The following XIAP variants were observed in gnomAD, a reference collection of about 807,000 sequenced individuals.
XIAP encodes X-linked inhibitor of apoptosis.
Under a neutral mutation model 33.1 loss-of-function variants are expected in XIAP, and 3 were observed. The observed-to-expected ratio is 0.09, with a 90% CI of 0.04 to 0.23. The LOEUF is 0.23. XIAP is among the 10% of genes least tolerant of loss of function. The probability of loss-of-function intolerance (pLI) is 1.00; values close to 1 mark genes in which losing one functional copy is unlikely to be tolerated. For synonymous variants in XIAP, 98 were observed against 121.3 expected (o/e 0.81, Z 1.26); for missense variants, 264 against 363.0 (o/e 0.73, Z 2.22).
chrX:123,886,882 C>T lies in XIAP; in HGVS notation c.877+343C>T, dbSNP rs138911899. Among the ~76,000 whole-genome samples the T allele has an allele frequency of 1.6e-3, 183 of 111,373 alleles. 2 individuals are homozygous for T. The East Asian group carries it at 0.048, about 29-fold the overall frequency. On this transcript the variant is annotated intron_variant, in intron 2 of 6. Coordinates refer to ENST00000371199, the MANE Select transcript of XIAP (RefSeq NM_001167.4). ...GAGCACTTACTATAAGTGCTCAATA[C>T]ATATACTTCATGCATTTTCTCTAAG...
intron 6 of XIAP, among the ~76,000 whole-genome samples, chrX:123,901,381 T>C (rs1301615736): frequency 9.0e-6 from 1 of 110,873 alleles, no homozygotes; most frequent in Non-Finnish European, 1.9e-5. Context: ...CAAGATCTTG[T>C]CTCAAAATAT....
intron 1 of XIAP, among the ~76,000 whole-genome samples, chrX:123,866,317 C>G (rs1331190469): frequency 9.3e-6 from 1 of 107,923 alleles, no homozygotes; most frequent in African/African-American, 3.4e-5. Context: ...ATGTGATCTG[C>G]CCGCCTTGGC....
chrX:123,910,520 A>C lies in XIAP; in HGVS notation c.*3339A>C. The C allele has an allele frequency of 3.0e-6, 1 of 329,436 alleles. No homozygotes were observed. Among genetic ancestry groups the C allele is most frequent in the South Asian group, 2.6e-5 (1 of 38,491 alleles). The allele number at this position is 329,436 out of a possible 1,213,427, so 27.1% of individuals were successfully genotyped here. Reference sequence around the variant, plus strand: ...CAGGTGTTGAATGGGGAAAGGGGCTAGTATATCAGTAGGATATACTATGGG... The same window carrying C: ...CAGGTGTTGAATGGGGAAAGGGGCTCGTATATCAGTAGGATATACTATGGG... On this transcript the variant is annotated 3_prime_UTR_variant, in exon 7 of 7. Coordinates refer to ENST00000371199, the MANE Select transcript of XIAP (RefSeq NM_001167.4).
rs1175389780 is a variant in XIAP, at chrX:123,885,951, T to C, written c.289T>C (p.Tyr97His). ...AAATTGCAGATTTATCAACGGCTTT[T>C]ATCTTGAAAATAGTGCCACGCAGTC... The part of the protein sequence containing the change: ...SPNCRFINGF[Y>H]LENSATQSTN... Residue 97 changes from tyrosine to histidine, a missense_variant, in exon 2 of 7, where the codon TAT (tyrosine) becomes CAT (histidine). Transcript: ENST00000371199. 1 of 1,211,907 alleles carries C rather than the reference T, an allele frequency of 8.3e-7. No individual in the cohort carries two copies. The highest frequency in any genetic ancestry group is 1.1e-6 in the Non-Finnish European group (1 of 895,575).
Position 123,911,477 on chromosome X carries a change from C to CAAAAA in XIAP, c.*4305_*4309dup, listed in dbSNP as rs397713705. 23 of 261,602 alleles carry CAAAAA rather than the reference C, an allele frequency of 8.8e-5. No homozygotes were observed. Among genetic ancestry groups the CAAAAA allele is most frequent in the Admixed American group, 1.8e-4 (4 of 21,626 alleles). 21.6% of individuals were successfully genotyped at this position (261,602 alleles called of 1,213,427 possible). ...GGGCAACAAGAGCAAAACTCTGTCT[C>CAAAAA]AAAAAAAAAAAAAGATATAAATCAC... On this transcript the variant is annotated 3_prime_UTR_variant, in exon 7 of 7. Coordinates refer to ENST00000371199, the MANE Select transcript of XIAP (RefSeq NM_001167.4).
At chrX:123,894,825 T>G (rs2053444473) in intron 5 of XIAP, among the ~76,000 whole-genome samples, 1 of 109,358 alleles carries the variant, frequency 9.1e-6, no homozygotes, top group African/African-American at 3.3e-5. Context: ...ACACCTATAG[T>G]TCCAGCTACT....
rs183287326 is a variant in XIAP at position 123,868,270 on chromosome X, G to A, written c.-33+7977G>A. ...AGGGCACCACTGCATTCTAGCCTGA[G>A]TGACAAGAGTGAGGCCCTGTCTCAA... On this transcript the variant is annotated intron_variant, in intron 1 of 6. Transcript: ENST00000371199. Among the ~76,000 whole-genome samples the A allele has an allele frequency of 1.7e-4, 19 of 111,799 alleles. No homozygotes were observed. The East Asian group carries it at 5.1e-3, about 30-fold the overall frequency.
chrX:123,897,644 C>A (rs1379557783), intron 5 of XIAP, among the ~76,000 whole-genome samples: 1 of 111,182 alleles, frequency 9.0e-6, no homozygotes, highest in Non-Finnish European at 1.9e-5. Context: ...CTCACTGCAA[C>A]CACCGACTCC....
rs2148065602 is a variant in XIAP at position 123,860,152 on chromosome X, G to T, written c.-174G>T. 3.0e-6 allele frequency: 1 copy of T among 328,482 alleles called. No individual in the cohort carries two copies. Among genetic ancestry groups the T allele is most frequent in the African/African-American group, 2.6e-5 (1 of 37,957 alleles). 27.1% of individuals were successfully genotyped at this position (328,482 alleles called of 1,213,427 possible). On this transcript the variant is annotated 5_prime_UTR_variant, in exon 1 of 7. Transcript: ENST00000371199. ...GCGTGAGGGAGACGAAGGGACTTCC[G>T]TTTCCTTCACCTAGGCTGGGGCCAA...
intron 3 of XIAP, among the ~76,000 whole-genome samples, chrX:123,889,398 G>A (rs1488674347): frequency 9.1e-6 from 1 of 109,659 alleles, no homozygotes; most frequent in Non-Finnish European, 1.9e-5. Flanking sequence ...TAGAGACAGG[G>A]TATCACCATG....
intron 1 of XIAP, among the ~76,000 whole-genome samples, chrX:123,880,120 GA>G (rs1352443359): frequency 2.0e-5 from 2 of 99,989 alleles, no homozygotes; most frequent in Non-Finnish European, 4.0e-5. Flanking sequence ...TCTCAAAAAA[GA>G]AAACCTTAAG....
chrX:123,888,140 G>A (rs1375196532), intron 2 of XIAP, among the ~76,000 whole-genome samples: 2 of 110,658 alleles, frequency 1.8e-5, no homozygotes, highest in African/African-American at 6.5e-5. Flanking sequence ...TCAAGATCAG[G>A]CTGGCCAACA....
intron 1 of XIAP, among the ~76,000 whole-genome samples, chrX:123,866,118 T>C (rs954587334): frequency 3.8e-4 from 42 of 110,669 alleles, no homozygotes; most frequent in Non-Finnish European, 6.6e-4. Flanking sequence ...TTTTTGTATT[T>C]TTAGTAGAGA....
intron 5 of XIAP, among the ~76,000 whole-genome samples, chrX:123,899,314 C>T (rs1365888730): frequency 9.9e-6 from 1 of 100,766 alleles, no homozygotes; most frequent in African/African-American, 3.6e-5. Flanking sequence ...CACACGCACA[C>T]ATACACACAT....
At position 123,913,941 on chromosome X, in the gene XIAP, C is replaced by T. The variant is rs757935935; in HGVS notation, c.*6760C>T. 1.3e-5 allele frequency: 4 copies of T among 305,325 alleles called. No homozygotes were observed. Among genetic ancestry groups the T allele is most frequent in the East Asian group, 1.0e-4 (1 of 9,857 alleles). The allele number at this position is 305,325 out of a possible 1,213,427, so 25.2% of individuals were successfully genotyped here. On this transcript the variant is annotated 3_prime_UTR_variant, in exon 7 of 7. Transcript: ENST00000371199. ...AAAGCTTATTTTTCTGTGAATAAAA[C>T]GTATTCAATAAAATACTATTCTTTA...
intron 1 of XIAP, among the ~76,000 whole-genome samples, chrX:123,862,070 CAATT>C (rs910942124): frequency 3.6e-5 from 4 of 110,044 alleles, no homozygotes; most frequent in South Asian, 3.8e-4. Context: ...TTTTTTTTAT[CAATT>C]AATTAATTAA....
intron 1 of XIAP, among the ~76,000 whole-genome samples, chrX:123,877,907 G>T (rs1007342534): frequency 9.1e-6 from 1 of 109,684 alleles, no homozygotes; most frequent in Non-Finnish European, 1.9e-5. Context: ...CCGGGAGGCG[G>T]AGCTTGCAGT....
At chrX:123,900,762 C>CT in intron 6 of XIAP, 69 bp downstream of exon 6, 2 of 997,710 alleles carry the variant, frequency 2.0e-6, no homozygotes, top group Non-Finnish European at 2.9e-6. Context: ...AATCCCAGCA[C>CT]TTTGGGAGGC....
chrX:123,889,997 A>ATTTTTT lies in XIAP; in HGVS notation c.978-1209_978-1204dup, dbSNP rs771503633. The stretch of plus-strand genomic sequence containing the variant: ...ATCTCTATGACATACAGTTGTTCAC[A>ATTTTTT]TTTTTTTTTTTTTTTTTTTTTTTTT... On this transcript the variant is annotated intron_variant, in intron 3 of 6. Transcript: ENST00000371199. Among the ~76,000 whole-genome samples, 3 of 33,048 alleles carry ATTTTTT rather than the reference A, an allele frequency of 9.1e-5. 1 individual carries two copies. Among genetic ancestry groups the ATTTTTT allele is most frequent in the Admixed American group, 1.0e-3 (2 of 1,915 alleles). 28.7% of individuals were successfully genotyped at this position (33,048 alleles called of 115,157 possible).
Sources: gnomAD v4.1 joint callset for allele counts (sites outside exome capture counted in the v4.1 genomes callset) on GRCh38, gnomAD v4.1.1 for gene constraint, MANE v1.5 for transcripts, NCBI Gene and HGNC (gene_info 2026-07-23, HGNC 2026-07-21) for gene names.